Variants in INO80D observed in about 807,000 individuals in gnomAD.
INO80D encodes INO80 complex subunit D.
A neutral mutation model predicts 87.6 loss-of-function variants in INO80D; 21 were observed. That is an observed-to-expected ratio of 0.24 (90% CI 0.17 to 0.35). The LOEUF (loss-of-function observed/expected upper bound fraction) is 0.35, where lower values mean the gene tolerates loss of function less well. INO80D is among the 10% of genes least tolerant of loss of function. INO80D has a pLI of 1.00. For synonymous variants in INO80D, 440 were observed against 491.0 expected, an observed-to-expected ratio of 0.90 and a Z score of 1.37; for missense variants, 982 against 1,280.7, an observed-to-expected ratio of 0.77 and a Z score of 3.56.
At chr2:206,067,780 C>T (rs573528074) in intron 1 of INO80D, among the ~76,000 whole-genome samples, 3 of 152,136 alleles carry the variant, frequency 2.0e-5, no homozygotes, top group Admixed American at 6.5e-5. Context: ...GAAACCTATA[C>T]GAACATCAAG....
chr2:206,009,359 G>A (rs535778074), intron 9 of INO80D, among the ~76,000 whole-genome samples: 111 of 20,642 alleles, frequency 5.4e-3, no homozygotes, highest in African/African-American at 8.2e-3. Context: ...AGTCAGTTTC[G>A]CGTCTGTTCT....
intron 5 of INO80D, among the ~76,000 whole-genome samples, chr2:206,042,489 C>G (rs1689075254): frequency 6.6e-6 from 1 of 150,692 alleles, no homozygotes; most frequent in South Asian, 2.1e-4. Context: ...TGAGACCAGC[C>G]TGGCCAACAT....
chr2:206,043,072 C>CA (rs1188706423), intron 5 of INO80D, among the ~76,000 whole-genome samples: 2 of 152,334 alleles, frequency 1.3e-5, no homozygotes, highest in Non-Finnish European at 2.9e-5. Flanking sequence ...AGACAACTGT[C>CA]AGTTTTCTTT....
chr2:206,034,554 T>C (rs1046257921), intron 5 of INO80D, among the ~76,000 whole-genome samples: 1 of 152,136 alleles, frequency 6.6e-6, no homozygotes, highest in Non-Finnish European at 1.5e-5. Flanking sequence ...CTCTTTATGA[T>C]TAAAACTTTC....
intron 8 of INO80D, among the ~76,000 whole-genome samples, chr2:206,011,661 T>C (rs1460187409): frequency 1.3e-5 from 2 of 152,208 alleles, no homozygotes; most frequent in East Asian, 3.8e-4. Flanking sequence ...CTGGAGTCTC[T>C]TACCAATGGC....
At chr2:206,039,203 T>C (rs970007915) in intron 5 of INO80D, among the ~76,000 whole-genome samples, 1 of 151,490 alleles carries the variant, frequency 6.6e-6, no homozygotes, top group Non-Finnish European at 1.5e-5. Flanking sequence ...TTCAAGACCA[T>C]CCTGACCAAC....
chr2:206,086,058 G>A lies in INO80D; in HGVS notation c.-281C>T, dbSNP rs1481358782. On this transcript the variant is annotated 5_prime_UTR_variant, in exon 1 of 11. Transcript: ENST00000403263. ...GAGCCTTTCCCTGTCAAGCAAGAGG[G>A]GTGAGGATCATATTTTTATTTTGGA... 1.3e-5 allele frequency: 2 copies of A among 152,252 alleles called. No individual in the cohort carries two copies. The highest frequency in any genetic ancestry group is 1.5e-5 in the Non-Finnish European group (1 of 68,084). 9.4% of individuals were successfully genotyped at this position (152,252 alleles called of 1,614,324 possible). A position where few individuals can be genotyped will look rare whatever the true frequency, so the allele number is the denominator to read the frequency against.
At chr2:206,006,958 A>T (rs1175027148) in intron 10 of INO80D, among the ~76,000 whole-genome samples, 3 of 152,190 alleles carry the variant, frequency 2.0e-5, no homozygotes, top group African/African-American at 7.2e-5. Flanking sequence ...GAGGCGAAAG[A>T]ATCGCTTGAA....
intron 3 of INO80D, among the ~76,000 whole-genome samples, chr2:206,057,309 G>GA (rs1689551534): frequency 6.6e-6 from 1 of 152,014 alleles, no homozygotes; most frequent in Non-Finnish European, 1.5e-5. Flanking sequence ...TCTCTTATGA[G>GA]AAAAAATATA....
intron 5 of INO80D, among the ~76,000 whole-genome samples, chr2:206,033,046 A>G (rs1688807730): frequency 6.6e-6 from 1 of 152,342 alleles, no homozygotes; most frequent in East Asian, 1.9e-4. Flanking sequence ...GAACCACAGA[A>G]TGGATAAGAA....
intron 6 of INO80D, among the ~76,000 whole-genome samples, chr2:206,022,643 C>T (rs1688495622): frequency 6.6e-6 from 1 of 152,126 alleles, no homozygotes; most frequent in Non-Finnish European, 1.5e-5. Flanking sequence ...ATGGCTTATT[C>T]CACTTACTCA....
chr2:206,016,906 T>C (rs1007378478), intron 8 of INO80D, among the ~76,000 whole-genome samples: 2 of 152,202 alleles, frequency 1.3e-5, no homozygotes, highest in African/African-American at 4.8e-5. Context: ...CCCAGCCACA[T>C]AGAACTGTGA....
chr2:205,999,930 G>A lies in INO80D; in HGVS notation c.*4438C>T, dbSNP rs1017962554. ...TGAAGATTCAGTTAATGTATTGGGC[G>A]GGGGGAAACATCTATGTTCTTTCAT... On this transcript the variant is annotated 3_prime_UTR_variant, in exon 11 of 11. Coordinates refer to ENST00000403263, the MANE Select transcript of INO80D (RefSeq NM_017759.5). The A allele has an allele frequency of 1.3e-5, 2 of 151,906 alleles. No individual in the cohort carries two copies. Among genetic ancestry groups the A allele is most frequent in the African/African-American group, 4.8e-5 (2 of 41,318 alleles). 9.4% of individuals were successfully genotyped at this position (151,906 alleles called of 1,614,324 possible). A position where few individuals can be genotyped will look rare whatever the true frequency, so the allele number is the denominator to read the frequency against.
Position 206,056,823 on chromosome 2 carries a change from C to T in INO80D, c.339G>A (p.Leu113=). Residue 113 remains leucine (L), a synonymous_variant, in exon 4 of 11, where the codon CTG becomes CTA. Coordinates refer to ENST00000403263, the MANE Select transcript of INO80D (RefSeq NM_017759.5). ...RHQMDTMAFS[L]TVPTLALKMP... ...TCTTCAAGGCCAACGTGGGCACTGT[C>T]AGGCTAAAGGCCATGGTATCCATCT... The T allele has an allele frequency of 6.2e-7, 1 of 1,612,118 alleles. No homozygotes were observed. The highest frequency in any genetic ancestry group is 8.5e-7 in the Non-Finnish European group (1 of 1,179,040).
In INO80D at chr2:206,075,039, C is replaced by CAAAAAAAAAAAAAAAAAAAAAAAA. The variant is rs56081344; in HGVS notation, c.-124+10861_-124+10862insTTTTTTTTTTTTTTTTTTTTTTTT. On this transcript the variant is annotated intron_variant, in intron 1 of 10. Transcript: ENST00000403263. ...GGATGACAAGAGCGAAACTCCATCT[C>CAAAAAAAAAAAAAAAAAAAAAAAA]AAAAAAAAAAAAAAAATTCCTCTTT... 1.9e-3 allele frequency among the ~76,000 whole-genome samples: 228 copies of CAAAAAAAAAAAAAAAAAAAAAAAA among 117,610 alleles called. 1 individual carries two copies. The highest frequency in any genetic ancestry group is 2.8e-3 in the South Asian group (10 of 3,590). 77.2% of individuals were successfully genotyped at this position (117,610 alleles called of 152,430 possible).
intron 8 of INO80D, among the ~76,000 whole-genome samples, chr2:206,011,449 CAG>C (rs1688172288): frequency 6.6e-6 from 1 of 152,182 alleles, no homozygotes; most frequent in Non-Finnish European, 1.5e-5. Flanking sequence ...TGCTCGCCTC[CAG>C]AGAGCTAGAG....
intron 1 of INO80D, among the ~76,000 whole-genome samples, chr2:206,068,239 C>A (rs1310866990): frequency 2.0e-5 from 3 of 152,126 alleles, no homozygotes; most frequent in Non-Finnish European, 2.9e-5. Flanking sequence ...GCTAGGACTA[C>A]AAGTATGTGC....
At chr2:206,048,855 C>T (rs1339612149) in intron 4 of INO80D, among the ~76,000 whole-genome samples, 2 of 152,124 alleles carry the variant, frequency 1.3e-5, no homozygotes, top group Non-Finnish European at 2.9e-5. Flanking sequence ...GAGCCATGAT[C>T]ATGTAACTGC....
At chr2:206,077,825 G>A (rs1559467138) in intron 1 of INO80D, among the ~76,000 whole-genome samples, 1 of 152,002 alleles carries the variant, frequency 6.6e-6, no homozygotes, top group Non-Finnish European at 1.5e-5. Flanking sequence ...GGACCTCTCT[G>A]CAGCATCTGA....
Sources: gnomAD v4.1 joint callset for allele counts (sites outside exome capture counted in the v4.1 genomes callset) on GRCh38, gnomAD v4.1.1 for gene constraint, MANE v1.5 for transcripts, NCBI Gene and HGNC (gene_info 2026-07-23, HGNC 2026-07-21) for gene names.